Variants in SEPTIN12 observed in about 807,000 individuals in gnomAD.
SEPTIN12 encodes the protein septin-12.
SEPTIN12 carries 42 observed loss-of-function variants against 37.7 expected under a neutral mutation model. That is an observed-to-expected ratio of 1.11 (90% CI 0.87 to 1.44). The LOEUF (loss-of-function observed/expected upper bound fraction) is 1.44. SEPTIN12 is among the 40% of genes most tolerant of loss of function. SEPTIN12 has a pLI of 0.00. For missense variants in SEPTIN12, 613 were observed against 479.2 expected (o/e 1.28, Z -2.61); for synonymous variants, 254 against 196.7 (o/e 1.29, Z -2.44).
In SEPTIN12 at chr16:4,777,687, G is replaced by A. The variant is rs751721953; in HGVS notation, c.*110C>T. The stretch of plus-strand genomic sequence containing the variant: ...AAATGCCTTTTGTTTTCAAAGCACA[G>A]CTTTTCATAAAAAGCAAGGCTCACA... On this transcript the variant is annotated 3_prime_UTR_variant, in exon 10 of 10. Transcript: ENST00000268231. 58 of 861,508 alleles carry A rather than the reference G, an allele frequency of 6.7e-5. No homozygotes were observed. Among genetic ancestry groups the A allele is most frequent in the Non-Finnish European group, 9.5e-5 (54 of 569,442 alleles). 53.4% of individuals were successfully genotyped at this position (861,508 alleles called of 1,614,324 possible). A position where few individuals can be genotyped will look rare whatever the true frequency, so the allele number is the denominator to read the frequency against.
At chr16:4,787,721 A>C (rs2082481528) in intron 1 of SEPTIN12, 54 bp from the exon 2 acceptor site, 1 of 733,988 alleles carries the variant, frequency 1.4e-6, no homozygotes, top group Non-Finnish European at 2.3e-6. Context: ...AGGAGCCCAC[A>C]TTGACCTCTC....
rs765325269 is a variant in SEPTIN12 at position 4,786,110 on chromosome 16, G to T, written c.167-5C>A. The stretch of plus-strand genomic sequence containing the variant: ...ACTTGCCCAGCCCGCTTTGCCCTGG[G>T]AGTGGCAACCGGATGACAGCAGTTA... On this transcript the variant is annotated splice_region_variant and splice_polypyrimidine_tract_variant and intron_variant, in intron 2 of 9. Transcript: ENST00000268231. 1.3e-6 allele frequency: 2 copies of T among 1,598,048 alleles called. No individual in the cohort carries two copies. Among genetic ancestry groups the T allele is most frequent in the Non-Finnish European group, 1.7e-6 (2 of 1,170,366 alleles).
chr16:4,781,410 A>C (rs892987801), intron 7 of SEPTIN12, among the ~76,000 whole-genome samples: 6 of 151,922 alleles, frequency 3.9e-5, no homozygotes, highest in Admixed American at 6.6e-5. Flanking sequence ...ACGTCCCCCC[A>C]AAAAAACCCC....
rs2141874234 is a variant in SEPTIN12, at chr16:4,784,046, T to C, written c.397A>G (p.Ile133Val). ...AGGTACTGCTCGTATTGCTCGTTGA[T>C]GTAGCCCAGGATGGGGTCCCAGCTG... ...DNCWDPILGY[I>V]NEQYEQYLQE... The change falls in exon 5 of 10, where the codon ATC becomes GTC. Residue 133 changes from isoleucine to valine, a missense_variant. Ile to Val is a conservative substitution (Grantham distance 29). Coordinates refer to ENST00000268231, the MANE Select transcript of SEPTIN12 (RefSeq NM_144605.5). 6.2e-7 allele frequency: 1 copy of C among 1,614,148 alleles called. No individual in the cohort carries two copies. The highest frequency in any genetic ancestry group is 1.3e-5 in the African/African-American group (1 of 75,044).
At chr16:4,791,080 C>A (rs930375559), upstream of SEPTIN12, among the ~76,000 whole-genome samples, 3 of 152,298 alleles carry the variant, frequency 2.0e-5, no homozygotes, top group East Asian at 3.9e-4. Flanking sequence ...TGGGGATGTC[C>A]CCTAAGGAAA....
intron 4 of SEPTIN12, among the ~76,000 whole-genome samples, chr16:4,785,385 C>T (rs1451114805): frequency 1.3e-5 from 2 of 151,714 alleles, no homozygotes; most frequent in Non-Finnish European, 2.9e-5. Flanking sequence ...GATCACACAG[C>T]CTGGCTGTTC....
chr16:4,777,747 A>T lies in SEPTIN12; in HGVS notation c.*50T>A. ...TGCTCTGGTACATAGGTGTGTGTTGAGAGCCGCTGGGGACTCAGGAAGCCC... is the reference window on the plus strand; with the variant it reads ...TGCTCTGGTACATAGGTGTGTGTTGTGAGCCGCTGGGGACTCAGGAAGCCC... On this transcript the variant is annotated 3_prime_UTR_variant, in exon 10 of 10. Transcript: ENST00000268231. 1 of 1,310,550 alleles carries T rather than the reference A, an allele frequency of 7.6e-7. No homozygotes were observed. 81.2% of individuals were successfully genotyped at this position (1,310,550 alleles called of 1,614,324 possible).
chr16:4,778,054 GC>G (rs750589429), intron 9 of SEPTIN12, 31 bp downstream of exon 9: 23 of 1,613,210 alleles, frequency 1.4e-5, no homozygotes, highest in Non-Finnish European at 1.8e-5. Context: ...CCCCTCGCCA[GC>G]CCCCTAGCCC....
At chr16:4,787,798 C>A in intron 1 of SEPTIN12, 131 bp from the exon 2 acceptor site, 1 of 599,518 alleles carries the variant, frequency 1.7e-6, no homozygotes, top group South Asian at 2.0e-5. Context: ...CTCTGGTGTA[C>A]CCTAAGTGCC....
chr16:4,778,197 G>A (rs1298388147), intron 8 of SEPTIN12, 60 bp from the exon 9 acceptor site: 1 of 1,525,484 alleles, frequency 6.6e-7, no homozygotes, highest in Non-Finnish European at 9.1e-7. Context: ...AGTGCCTACT[G>A]TATGCACCAC....
At position 4,783,740 on chromosome 16, in the gene SEPTIN12, A is replaced by G; in HGVS notation, c.539T>C (p.Leu180Pro). ...ATTCACAGTCCGGCACAGCCGCTGCAGGAACTCAATGTCCAGGGGCCGCAG... is the reference window on the plus strand; with the variant it reads ...ATTCACAGTCCGGCACAGCCGCTGCGGGAACTCAATGTCCAGGGGCCGCAG... The part of the protein sequence containing the change: ...HCLRPLDIEF[L>P]QRLCRTVNVV... The change falls in exon 6 of 10, where the codon CTG (leucine) becomes CCG (proline). Residue 180 changes from leucine (L) to proline (P), a missense_variant. By Grantham distance (98) the Leu-to-Pro change is moderately conservative. Coordinates refer to ENST00000268231, the MANE Select transcript of SEPTIN12 (RefSeq NM_144605.5). The G allele has an allele frequency of 1.9e-6, 3 of 1,613,996 alleles. No homozygotes were observed. The highest frequency in any genetic ancestry group is 2.5e-6 in the Non-Finnish European group (3 of 1,179,974).
intron 7 of SEPTIN12, among the ~76,000 whole-genome samples, chr16:4,781,242 G>A (rs2082368364): frequency 6.7e-6 from 1 of 150,032 alleles, no homozygotes; most frequent in African/African-American, 2.5e-5. Context: ...TTGGGTGACA[G>A]AGGGAGACTC....
chr16:4,779,133 A>G (rs1170300800), intron 8 of SEPTIN12, among the ~76,000 whole-genome samples: 1 of 152,096 alleles, frequency 6.6e-6, no homozygotes, highest in Non-Finnish European at 1.5e-5. Flanking sequence ...GCGAGACTCC[A>G]TCTCAAAAAA....
At chr16:4,784,268 G>A in intron 4 of SEPTIN12, 200 bp from the exon 5 acceptor site, 2 of 592,440 alleles carry the variant, frequency 3.4e-6, no homozygotes, top group South Asian at 2.0e-5. Context: ...GCCATTCTCG[G>A]CTTCACTGTC....
intron 7 of SEPTIN12, 98 bp from the exon 8 acceptor site, chr16:4,779,884 T>C: frequency 2.6e-6 from 2 of 774,066 alleles, no homozygotes; most frequent in Admixed American, 2.1e-5. Flanking sequence ...AGTCCTATCC[T>C]TTTCGAGGAG....
At position 4,782,243 on chromosome 16, in the gene SEPTIN12, C is replaced by G. The variant is rs1036769720; in HGVS notation, c.726+1219G>C. On this transcript the variant is annotated intron_variant, in intron 7 of 9. Transcript: ENST00000268231. ...GGGATTACAGGCATGAGCCACTGAG[C>G]CCAGCCTTGAACTGTACACTTTTAA... Among the ~76,000 whole-genome samples, 17 of 152,142 alleles carry G rather than the reference C, an allele frequency of 1.1e-4. 1 individual carries two copies. Among genetic ancestry groups the G allele is most frequent in the African/African-American group, 4.1e-4 (17 of 41,430 alleles).
chr16:4,785,107 G>A (rs1246191541), intron 4 of SEPTIN12, among the ~76,000 whole-genome samples: 6 of 152,026 alleles, frequency 3.9e-5, no homozygotes, highest in Admixed American at 1.3e-4. Flanking sequence ...AAAAGTAGCC[G>A]AGCGTGTTGG....
chr16:4,785,938 G>T (rs1344534331), intron 3 of SEPTIN12, 42 bp downstream of exon 3: 14 of 1,607,956 alleles, frequency 8.7e-6, no homozygotes, highest in Middle Eastern at 3.4e-4. Context: ...GTGGGATGGG[G>T]TGGGGCAGGG....
intron 7 of SEPTIN12, among the ~76,000 whole-genome samples, chr16:4,781,898 C>T (rs183010256): frequency 1.4e-5 from 2 of 144,680 alleles, no homozygotes; most frequent in Admixed American, 1.5e-4. Flanking sequence ...CCCACCTCAG[C>T]CGCCCAAAGT....
Sources: allele counts gnomAD v4.1 joint callset (sites outside exome capture counted in the v4.1 genomes callset), GRCh38; gene constraint gnomAD v4.1.1; transcripts MANE v1.5; gene names NCBI Gene and HGNC (gene_info 2026-07-23, HGNC 2026-07-21).